ZNF532: variants seen among roughly 807,000 people sequenced by gnomAD.
ZNF532 encodes zinc finger protein 532.
A neutral mutation model predicts 89.3 loss-of-function variants in ZNF532; 22 were observed. The observed-to-expected ratio is 0.25, with a 90% confidence interval of 0.18 to 0.35. ZNF532 has a LOEUF of 0.35. Among genes scored for constraint, ZNF532 ranks in the 10% least tolerant of loss-of-function variants. The probability of loss-of-function intolerance (pLI) is 1.00; values close to 1 mark genes in which losing one functional copy is unlikely to be tolerated. For missense variants in ZNF532, 1,132 were observed against 1,643.4 expected, an observed-to-expected ratio of 0.69 and a Z score of 5.38; for synonymous variants, 606 against 649.6, an observed-to-expected ratio of 0.93 and a Z score of 1.02.
At chr18:58,911,348 G>T (rs1202141582) in intron 2 of ZNF532, among the ~76,000 whole-genome samples, 1 of 152,242 alleles carries the variant, frequency 6.6e-6, no homozygotes, top group Non-Finnish European at 1.5e-5. Context: ...GAGACCTCTT[G>T]ACTGGTGACT....
intron 7 of ZNF532, among the ~76,000 whole-genome samples, chr18:58,971,196 T>C (rs1253131942): frequency 6.6e-6 from 1 of 152,228 alleles, no homozygotes; most frequent in Non-Finnish European, 1.5e-5. Flanking sequence ...TAACCCTCTT[T>C]ATTTCAAAGT....
chr18:58,965,026 C>T (rs1568438488), intron 7 of ZNF532, among the ~76,000 whole-genome samples: 1 of 148,958 alleles, frequency 6.7e-6, no homozygotes, highest in Admixed American at 6.7e-5. Context: ...TTAATACTAA[C>T]TTTTATTATA....
In ZNF532 at chr18:58,948,201, A is replaced by C; in HGVS notation, c.2840A>C (p.Gln947Pro). ...KCPDCSLLYAQKQLMMDHIKS... is the reference protein window; with the variant it reads ...KCPDCSLLYAPKQLMMDHIKS... ...CCAGACTGTTCTCTTTTATATGCAC[A>C]GAAGCAACTTATGATGGACCATATC... is the stretch of plus-strand genomic sequence containing the variant. The change falls in exon 6 of 10, where the codon CAG becomes CCG. Residue 947 changes from glutamine (Q) to proline (P), a missense_variant. Transcript: ENST00000591808. The C allele has an allele frequency of 6.2e-7, 1 of 1,613,264 alleles. No individual in the cohort carries two copies.
chr18:58,957,129 T>C (rs1442866169), intron 7 of ZNF532, among the ~76,000 whole-genome samples: 1 of 152,218 alleles, frequency 6.6e-6, no homozygotes, highest in Non-Finnish European at 1.5e-5. Flanking sequence ...CCTAGAGAAC[T>C]GTATATGAAG....
At chr18:58,930,725 C>T (rs1472955173) in intron 3 of ZNF532, among the ~76,000 whole-genome samples, 1 of 151,792 alleles carries the variant, frequency 6.6e-6, no homozygotes, top group Non-Finnish European at 1.5e-5. Context: ...AATGCTCAAG[C>T]CCCTGTTATA....
intron 7 of ZNF532, among the ~76,000 whole-genome samples, chr18:58,973,367 G>T (rs1452567137): frequency 1.3e-5 from 2 of 152,214 alleles, no homozygotes; most frequent in African/African-American, 4.8e-5. Context: ...CTTCCAAAGT[G>T]CTGGGATTAC....
intron 2 of ZNF532, among the ~76,000 whole-genome samples, chr18:58,900,956 AT>A (rs1275760887): frequency 6.6e-6 from 1 of 152,170 alleles, no homozygotes; most frequent in Non-Finnish European, 1.5e-5. Context: ...AATACTTTTA[AT>A]GCCATCTTTG....
intron 2 of ZNF532, among the ~76,000 whole-genome samples, chr18:58,896,969 T>A (rs2059291825): frequency 6.6e-6 from 1 of 152,212 alleles, no homozygotes. Context: ...TGAAAGGCTG[T>A]ATGGACTGCG....
chr18:58,936,838 G>A (rs1296303714), intron 4 of ZNF532, among the ~76,000 whole-genome samples: 1 of 152,202 alleles, frequency 6.6e-6, no homozygotes. Flanking sequence ...CCGTGGCCTT[G>A]TCATGTTTTT....
chr18:58,872,711 T>C (rs2057093382), intron 2 of ZNF532, among the ~76,000 whole-genome samples: 1 of 133,810 alleles, frequency 7.5e-6, no homozygotes, highest in South Asian at 2.5e-4. Flanking sequence ...TTTTTTTTTT[T>C]TTTTTTGAGA....
intron 2 of ZNF532, among the ~76,000 whole-genome samples, chr18:58,904,997 A>T (rs1443605120): frequency 6.6e-6 from 1 of 151,752 alleles, no homozygotes; most frequent in Non-Finnish European, 1.5e-5. Context: ...GCGTGACACC[A>T]TGGCCGGCCA....
intron 2 of ZNF532, among the ~76,000 whole-genome samples, chr18:58,909,717 G>A (rs763984938): frequency 2.6e-5 from 4 of 152,040 alleles, no homozygotes; most frequent in Admixed American, 6.6e-5. Context: ...GGAATGGATC[G>A]TTGCTGGAGT....
chr18:58,918,712 A>G lies in ZNF532; in HGVS notation c.425A>G (p.Glu142Gly), dbSNP rs527866448. Reference sequence around the variant, plus strand: ...AGTGCTGAAGAGTTTGATGACGACGAGAAGATTGAGGTGGATGACCCCCCT... The same window carrying G: ...AGTGCTGAAGAGTTTGATGACGACGGGAAGATTGAGGTGGATGACCCCCCT... Reference protein sequence around the residue: ...ISSAEEFDDDEKIEVDDPPDK... With the variant: ...ISSAEEFDDDGKIEVDDPPDK... The change falls in exon 3 of 10, where the codon GAG (glutamate) becomes GGG (glycine). Residue 142 changes from glutamate (E) to glycine (G), a missense_variant. Glu to Gly is a moderately conservative substitution (Grantham distance 98, BLOSUM62 -2). This residue lies in a region of ZNF532 where 302 missense variants were observed against 319.8 expected (regional missense o/e 0.94). Coordinates refer to ENST00000591808, the MANE Select transcript of ZNF532 (RefSeq NM_001375912.1). The G allele has an allele frequency of 1.2e-6, 2 of 1,614,064 alleles. No homozygotes were observed. Among genetic ancestry groups the G allele is most frequent in the Non-Finnish European group, 1.7e-6 (2 of 1,180,040 alleles).
chr18:58,877,279 A>G (rs951379526), intron 2 of ZNF532, among the ~76,000 whole-genome samples: 1 of 152,162 alleles, frequency 6.6e-6, no homozygotes, highest in Admixed American at 6.5e-5. Context: ...CCTCTCCAGC[A>G]CGTGATGGAG....
intron 2 of ZNF532, among the ~76,000 whole-genome samples, chr18:58,869,970 G>A (rs1483874986): frequency 1.3e-5 from 2 of 150,748 alleles, no homozygotes; most frequent in African/African-American, 4.9e-5. Flanking sequence ...GCTTCACCAT[G>A]TTGGTCAGGC....
At chr18:58,890,679 C>T (rs1343392249) in intron 2 of ZNF532, among the ~76,000 whole-genome samples, 1 of 151,396 alleles carries the variant, frequency 6.6e-6, no homozygotes, top group East Asian at 1.9e-4. Flanking sequence ...TCACCAGTCA[C>T]TGTAATATGA....
intron 3 of ZNF532, among the ~76,000 whole-genome samples, chr18:58,925,899 A>C (rs757006350): frequency 6.6e-6 from 1 of 152,092 alleles, no homozygotes; most frequent in Non-Finnish European, 1.5e-5. Context: ...TCAGTTAGGC[A>C]TTTGTGTGGG....
intron 6 of ZNF532, among the ~76,000 whole-genome samples, chr18:58,952,930 C>T (rs186111566): frequency 2.0e-5 from 3 of 151,936 alleles, no homozygotes; most frequent in East Asian, 3.9e-4. Context: ...TGGCTGCCAT[C>T]AGTAAGAAAG....
intron 7 of ZNF532, among the ~76,000 whole-genome samples, chr18:58,972,411 T>G (rs926301239): frequency 6.6e-6 from 1 of 152,222 alleles, no homozygotes; most frequent in African/African-American, 2.4e-5. Flanking sequence ...CAATCTTTTC[T>G]CTTTTACATT....
Sources: allele counts gnomAD v4.1 joint callset (sites outside exome capture counted in the v4.1 genomes callset), GRCh38; gene constraint gnomAD v4.1.1; regional missense constraint gnomAD v4.1.1; transcripts MANE v1.5; gene names NCBI Gene and HGNC (gene_info 2026-07-23, HGNC 2026-07-21).